C10orf90: variants seen among roughly 807,000 people sequenced by gnomAD.
C10orf90 encodes the protein chromosome 10 open reading frame 90.
Under a neutral mutation model 62.5 loss-of-function variants are expected in C10orf90, and 56 were observed. That is an observed-to-expected ratio of 0.90 (90% confidence interval 0.72 to 1.12). The LOEUF (loss-of-function observed/expected upper bound fraction) is 1.12. C10orf90 is among the 50% of genes most tolerant of loss of function. The pLI is 0.00. For synonymous variants in C10orf90, 386 were observed against 340.4 expected (o/e 1.13, Z -1.47); for missense variants, 970 against 880.4 (o/e 1.10, Z -1.29).
chr10:126,592,682 A>C (rs1425224568), intron 2 of C10orf90, among the ~76,000 whole-genome samples: 1 of 152,236 alleles, frequency 6.6e-6, no homozygotes, highest in African/African-American at 2.4e-5. Flanking sequence ...CAAAAGCAAA[A>C]ATTGACAAAT....
chr10:126,512,995 C>A (rs1455635506), intron 3 of C10orf90, among the ~76,000 whole-genome samples: 1 of 152,148 alleles, frequency 6.6e-6, no homozygotes, highest in Non-Finnish European at 1.5e-5. Context: ...GGTATCTTTG[C>A]CACTTTAATC....
In C10orf90 at chr10:126,635,869, CT is replaced by C. The variant is rs1343247926; in HGVS notation, c.313+10695del. Among the ~76,000 whole-genome samples the C allele has an allele frequency of 2.2e-4, 34 of 151,480 alleles. 1 individual carries two copies. Among genetic ancestry groups the C allele is most frequent in the African/African-American group, 8.3e-4 (34 of 41,210 alleles). ...AACTGCTTTAGGGAAACCTAGCCCT[CT>C]GTGATCTGTACTCACTCCAAATGGT... On this transcript the variant is annotated intron_variant, in intron 2 of 9. Transcript: ENST00000488181.
intron 1 of C10orf90, among the ~76,000 whole-genome samples, chr10:126,663,178 C>T (rs148652068): frequency 5.3e-5 from 8 of 152,082 alleles, no homozygotes; most frequent in Admixed American, 2.6e-4. Context: ...GAGAAAGCTG[C>T]GGAGGGACAA....
At chr10:126,455,865 T>C (rs1166100096) in intron 7 of C10orf90, among the ~76,000 whole-genome samples, 1 of 152,198 alleles carries the variant, frequency 6.6e-6, no homozygotes, top group Non-Finnish European at 1.5e-5. Flanking sequence ...CTAGCTACCA[T>C]GAAGTACAGC....
Position 126,656,515 on chromosome 10 carries a change from C to T in C10orf90, c.241-9878G>A, listed in dbSNP as rs558415401. On this transcript the variant is annotated intron_variant, in intron 1 of 9. Transcript: ENST00000488181. ...TCACCTGATCAAGGCCAAGCCCTTGCTCCTCTGCTGCCTCAGTAGAACATC... is the reference window on the plus strand; with the variant it reads ...TCACCTGATCAAGGCCAAGCCCTTGTTCCTCTGCTGCCTCAGTAGAACATC... Among the ~76,000 whole-genome samples, 4 of 152,344 alleles carry T rather than the reference C, an allele frequency of 2.6e-5. No individual in the cohort carries two copies. The East Asian group carries it at 7.7e-4, about 29-fold the overall frequency.
At chr10:126,444,915 TG>T (rs1430494774) in intron 7 of C10orf90, among the ~76,000 whole-genome samples, 1 of 151,912 alleles carries the variant, frequency 6.6e-6, no homozygotes, top group African/African-American at 2.4e-5. Context: ...AAACATAAAG[TG>T]GGGAAAGGAT....
intron 2 of C10orf90, among the ~76,000 whole-genome samples, chr10:126,582,863 C>A (rs1844782043): frequency 6.6e-6 from 1 of 152,188 alleles, no homozygotes; most frequent in South Asian, 2.1e-4. Flanking sequence ...ATATCTTTCA[C>A]CACTCTTAGG....
At chr10:126,537,654 C>T (rs1343931956) in intron 2 of C10orf90, among the ~76,000 whole-genome samples, 1 of 152,176 alleles carries the variant, frequency 6.6e-6, no homozygotes, top group African/African-American at 2.4e-5. Flanking sequence ...ATACTCTTTG[C>T]TGTCTAAAGA....
chr10:126,633,061 C>G (rs1845880982), intron 2 of C10orf90, among the ~76,000 whole-genome samples: 1 of 152,214 alleles, frequency 6.6e-6, no homozygotes, highest in Admixed American at 6.5e-5. Flanking sequence ...GCCAGGTCCT[C>G]TGACAAAATG....
At chr10:126,517,908 C>CAAAAAAAAAAA (rs34182199) in intron 2 of C10orf90, among the ~76,000 whole-genome samples, 1 of 80,842 alleles carries the variant, frequency 1.2e-5, no homozygotes, top group Non-Finnish European at 2.4e-5. Context: ...GACTCCATCT[C>CAAAAAAAAAAA]AAAAAAAAAA....
chr10:126,507,908 T>G (rs888512877), intron 3 of C10orf90, among the ~76,000 whole-genome samples: 2 of 152,164 alleles, frequency 1.3e-5, no homozygotes, highest in Non-Finnish European at 2.9e-5. Flanking sequence ...ATGCACCTGC[T>G]GCCTATTTCA....
chr10:126,632,669 C>T (rs968869585), intron 2 of C10orf90, among the ~76,000 whole-genome samples: 5 of 151,988 alleles, frequency 3.3e-5, no homozygotes, highest in Admixed American at 6.5e-5. Flanking sequence ...CCCCAGGGAC[C>T]CTGCTCTTTT....
intron 7 of C10orf90, among the ~76,000 whole-genome samples, chr10:126,441,326 A>G (rs1261492362): frequency 6.6e-6 from 1 of 152,114 alleles, no homozygotes; most frequent in Non-Finnish European, 1.5e-5. Context: ...ACCCAACCCA[A>G]CAAAGACAAA....
intron 2 of C10orf90, among the ~76,000 whole-genome samples, chr10:126,555,654 G>C (rs551883106): frequency 6.6e-6 from 1 of 150,566 alleles, no homozygotes; most frequent in Non-Finnish European, 1.5e-5. Context: ...ACTCTAGCCT[G>C]GGCAACAGAG....
intron 2 of C10orf90, among the ~76,000 whole-genome samples, chr10:126,603,197 A>G (rs1474828682): frequency 6.6e-6 from 1 of 152,186 alleles, no homozygotes; most frequent in Non-Finnish European, 1.5e-5. Flanking sequence ...ACTTTATAGT[A>G]AGAGGTTTAA....
chr10:126,458,299 T>C (rs1043154919), intron 7 of C10orf90, among the ~76,000 whole-genome samples: 3 of 152,232 alleles, frequency 2.0e-5, no homozygotes, highest in African/African-American at 7.2e-5. Flanking sequence ...AAAGTTCTCA[T>C]TCCTCTATCC....
rs114132891 is a variant in C10orf90 at position 126,563,451 on chromosome 10, C to T, written c.314-49512G>A. Among the ~76,000 whole-genome samples the T allele has an allele frequency of 3.0e-3, 461 of 152,244 alleles. 6 individuals are homozygous for T. Among genetic ancestry groups the T allele is most frequent in the African/African-American group, 9.5e-3 (396 of 41,546 alleles). On this transcript the variant is annotated intron_variant, in intron 2 of 9. Transcript: ENST00000488181. ...GCTCCTGTGGTCACTGGGTGTGCAG[C>T]GTGGGAAAGAAGGGCTCTGACCTCT...
chr10:126,480,881 G>T (rs920287060), intron 4 of C10orf90, among the ~76,000 whole-genome samples: 2 of 152,142 alleles, frequency 1.3e-5, no homozygotes, highest in Non-Finnish European at 1.5e-5. Context: ...TGTAGGTCAG[G>T]TTATGGTAAT....
At chr10:126,469,183 T>C (rs1472701896) in intron 4 of C10orf90, among the ~76,000 whole-genome samples, 1 of 152,176 alleles carries the variant, frequency 6.6e-6, no homozygotes, top group African/African-American at 2.4e-5. Context: ...CCAGGGAATT[T>C]TAATAGCCAA....
Sources: gnomAD v4.1 joint callset for allele counts (sites outside exome capture counted in the v4.1 genomes callset) on GRCh38, gnomAD v4.1.1 for gene constraint, MANE v1.5 for transcripts, NCBI Gene and HGNC (gene_info 2026-07-23, HGNC 2026-07-21) for gene names.